R3HDM1: variants seen among roughly 807,000 people sequenced by gnomAD.
The protein encoded by R3HDM1 is R3H domain-containing protein 1.
A neutral mutation model predicts 141.1 loss-of-function variants in R3HDM1; 46 were observed. The ratio of observed to expected loss-of-function variants is 0.33; its 90% CI spans 0.26 to 0.42. The LOEUF is 0.42. Ranked by LOEUF, R3HDM1 falls within the 10% of genes least tolerant of loss-of-function variation. The pLI is 1.00. For missense variants in R3HDM1, 1,184 were observed against 1,368.3 expected (o/e 0.87, Z 2.12); for synonymous variants, 435 against 472.9 (o/e 0.92, Z 1.04).
intron 18 of R3HDM1, among the ~76,000 whole-genome samples, chr2:135,659,717 C>T (rs148280405): frequency 1.3e-5 from 2 of 152,146 alleles, no homozygotes; most frequent in East Asian, 1.9e-4. Flanking sequence ...GGAGTACAGG[C>T]GTCAGCTGCC....
At chr2:135,690,408 C>T (rs1199735725) in intron 21 of R3HDM1, among the ~76,000 whole-genome samples, 2 of 152,082 alleles carry the variant, frequency 1.3e-5, no homozygotes, top group South Asian at 2.1e-4. Flanking sequence ...AAGATAAGTT[C>T]AAGAGATGTG....
Position 135,661,407 on chromosome 2 carries a change from C to G in R3HDM1, c.2152+14C>G. 6.2e-7 allele frequency: 1 copy of G among 1,613,226 alleles called. No homozygotes were observed. Among genetic ancestry groups the G allele is most frequent in the Non-Finnish European group, 8.5e-7 (1 of 1,179,402 alleles). On this transcript the variant is annotated intron_variant, in intron 19 of 26. Transcript: ENST00000683871. ...CGCAGCAGACAGGTGAGTTGTGTTT[C>G]TTATGTCATAACTTCTGAGCCACAC... is the stretch of plus-strand genomic sequence containing the variant.
At chr2:135,709,326 G>C in intron 21 of R3HDM1, 107 bp from the exon 22 acceptor site, 1 of 1,462,526 alleles carries the variant, frequency 6.8e-7, no homozygotes, top group Non-Finnish European at 9.2e-7. Flanking sequence ...GCCCGCCTTG[G>C]CCTCCCAAAG....
In R3HDM1 at chr2:135,699,028, TAGATAGA is replaced by T. The variant is rs766219627; in HGVS notation, c.2460-10404_2460-10398del. Among the ~76,000 whole-genome samples the T allele has an allele frequency of 1.7e-3, 199 of 118,494 alleles. 2 individuals are homozygous for T. Among genetic ancestry groups the T allele is most frequent in the Middle Eastern group, 7.2e-3 (2 of 276 alleles). 77.7% of individuals were successfully genotyped at this position (118,494 alleles called of 152,430 possible). A position where few individuals can be genotyped will look rare whatever the true frequency, so the allele number is the denominator to read the frequency against. ...ATAGATAGATAGATAGATAGATAGA[TAGATAGA>T]TAGATAGATAAGATAGATAAGATAG... On this transcript the variant is annotated intron_variant, in intron 21 of 26. Coordinates refer to ENST00000683871, the MANE Select transcript of R3HDM1 (RefSeq NM_001378107.1).
At chr2:135,717,765 A>G (rs2105459444) in intron 24 of R3HDM1, among the ~76,000 whole-genome samples, 1 of 152,344 alleles carries the variant, frequency 6.6e-6, no homozygotes, top group East Asian at 1.9e-4. Context: ...CAGTGATGAA[A>G]CCGCTTTAGG....
intron 1 of R3HDM1, among the ~76,000 whole-genome samples, chr2:135,540,996 T>C (rs1697354796): frequency 6.6e-6 from 1 of 151,884 alleles, no homozygotes; most frequent in African/African-American, 2.4e-5. Flanking sequence ...TTAAAAGGAG[T>C]CTTTTTTTTC....
At chr2:135,630,786 G>C (rs184759523) in intron 7 of R3HDM1, among the ~76,000 whole-genome samples, 1 of 152,124 alleles carries the variant, frequency 6.6e-6, no homozygotes, top group East Asian at 1.9e-4. Flanking sequence ...GCTGCTTTTA[G>C]CTTTAAGTTT....
chr2:135,683,523 C>G (rs1302942158), intron 21 of R3HDM1, among the ~76,000 whole-genome samples: 1 of 146,416 alleles, frequency 6.8e-6, no homozygotes, highest in Non-Finnish European at 1.5e-5. Flanking sequence ...CACTGCACTC[C>G]AGCCTGGGCA....
At chr2:135,711,963 T>TAAAAAAAAAAAA (rs35616482) in intron 23 of R3HDM1, among the ~76,000 whole-genome samples, 1 of 85,108 alleles carries the variant, frequency 1.2e-5, no homozygotes, top group African/African-American at 4.8e-5. Context: ...TGTCTAAAAT[T>TAAAAAAAAAAAA]AAAAAAAAAA....
intron 3 of R3HDM1, chr2:135,608,010 T>C (rs980892764): frequency 5.8e-5 from 56 of 966,426 alleles, no homozygotes; most frequent in Non-Finnish European, 6.6e-5. Flanking sequence ...TTTATTGAAG[T>C]ATTTATTAAT....
At chr2:135,645,076 C>T (rs79519922) in intron 15 of R3HDM1, among the ~76,000 whole-genome samples, 5,115 of 152,078 alleles carry the variant, frequency 0.034, 207 homozygotes, top group South Asian at 0.19. Context: ...AGTGAGACTC[C>T]GTCTAAGAAA....
chr2:135,585,404 T>C (rs1271745017), intron 1 of R3HDM1, among the ~76,000 whole-genome samples: 4 of 152,236 alleles, frequency 2.6e-5, no homozygotes. Context: ...TTCTGGTTGG[T>C]GTACAGATCT....
chr2:135,658,241 C>A (rs1404355087), intron 18 of R3HDM1, among the ~76,000 whole-genome samples: 1 of 152,172 alleles, frequency 6.6e-6, no homozygotes, highest in Non-Finnish European at 1.5e-5. Context: ...TCTCAGCTCA[C>A]CACAACTTCC....
chr2:135,531,544 C>T lies in R3HDM1; in HGVS notation c.-339C>T. 1 of 985,828 alleles carries T rather than the reference C, an allele frequency of 1.0e-6. No individual in the cohort carries two copies. The highest frequency in any genetic ancestry group is 1.2e-6 in the Non-Finnish European group (1 of 830,018). 61.1% of individuals were successfully genotyped at this position (985,828 alleles called of 1,614,324 possible). A position where few individuals can be genotyped will look rare whatever the true frequency, so the allele number is the denominator to read the frequency against. On this transcript the variant is annotated 5_prime_UTR_variant, in exon 1 of 27. Coordinates refer to ENST00000683871, the MANE Select transcript of R3HDM1 (RefSeq NM_001378107.1). ...CCGGGCTGGTGATGGGGTTAATTCC[C>T]TTTCGTAAGACTCTTACTTGCACCC... is the stretch of plus-strand genomic sequence containing the variant.
In R3HDM1 at chr2:135,589,270, A is replaced by G. The variant is rs1708668107; in HGVS notation, c.-249-13230A>G. 3.9e-5 allele frequency among the ~76,000 whole-genome samples: 6 copies of G among 152,234 alleles called. 1 individual carries two copies. In the South Asian group the frequency reaches 1.0e-3, roughly 26 times the overall value. ...GTATTCAAGAAGCAAAGAAAGATGT[A>G]TAAGATGAAAATCTTCTCAGAGCTG... On this transcript the variant is annotated intron_variant, in intron 1 of 26. Coordinates refer to ENST00000683871, the MANE Select transcript of R3HDM1 (RefSeq NM_001378107.1).
intron 1 of R3HDM1, among the ~76,000 whole-genome samples, chr2:135,546,840 T>A (rs530425644): frequency 6.6e-6 from 1 of 152,026 alleles, no homozygotes; most frequent in Non-Finnish European, 1.5e-5. Flanking sequence ...CCTGGCTAAT[T>A]TTTGTATTTT....
In R3HDM1 at chr2:135,649,844, A is replaced by G. The variant is rs1206215191; in HGVS notation, c.1624-58A>G. On this transcript the variant is annotated intron_variant, in intron 16 of 26. Transcript: ENST00000683871. ...AAAAGTGTAAATTTCCGTTTTATGC[A>G]ATTCTTCTAACGTTTTATTCTGACA... 14 of 1,023,090 alleles carry G rather than the reference A, an allele frequency of 1.4e-5. No homozygotes were observed. The Admixed American group carries it at 4.6e-4, about 33-fold the overall frequency. The allele number at this position is 1,023,090 out of a possible 1,614,324, so 63.4% of individuals were successfully genotyped here.
intron 4 of R3HDM1, among the ~76,000 whole-genome samples, 195 bp downstream of exon 4, chr2:135,616,388 C>T (rs1467444635): frequency 1.3e-5 from 2 of 151,964 alleles, no homozygotes; most frequent in Non-Finnish European, 2.9e-5. Flanking sequence ...CTTGATGGTT[C>T]TTTATCTGTA....
At chr2:135,638,852 GT>G in intron 13 of R3HDM1, 43 bp from the exon 14 acceptor site, 2 of 1,610,246 alleles carry the variant, frequency 1.2e-6, no homozygotes, top group Non-Finnish European at 1.7e-6. Flanking sequence ...TTTACTTTTT[GT>G]TCCCCTGCAT....
Sources: gnomAD v4.1 joint callset for allele counts (sites outside exome capture counted in the v4.1 genomes callset) on GRCh38, gnomAD v4.1.1 for gene constraint, MANE v1.5 for transcripts, NCBI Gene and HGNC (gene_info 2026-07-23, HGNC 2026-07-21) for gene names.